The following PDE4D variants were observed in gnomAD, a reference collection of about 807,000 sequenced individuals.
PDE4D encodes the protein phosphodiesterase 4D, also known as 3',5'-cyclic-AMP phosphodiesterase 4D.
A neutral mutation model predicts 87.4 loss-of-function variants in PDE4D; 24 were observed. That is an observed-to-expected ratio of 0.27 (90% CI 0.20 to 0.39). The LOEUF (loss-of-function observed/expected upper bound fraction) is 0.39. PDE4D is among the 10% of genes least tolerant of loss of function. The probability of loss-of-function intolerance (pLI) is 1.00; values close to 1 mark genes in which losing one functional copy is unlikely to be tolerated. For missense variants in PDE4D, 714 were observed against 1,041.0 expected, an observed-to-expected ratio of 0.69 and a Z score of 4.32; for synonymous variants, 384 against 383.2, an observed-to-expected ratio of 1.00 and a Z score of -0.02.
At chr5:59,751,611 G>GTGTA (rs59328183) in intron 1 of PDE4D, among the ~76,000 whole-genome samples, 4 of 144,214 alleles carry the variant, frequency 2.8e-5, no homozygotes, top group African/African-American at 1.1e-4. Context: ...GTGTGTGTGT[G>GTGTA]ATGTGAGAGC....
chr5:59,554,711 C>T lies in PDE4D; in HGVS notation c.455+338457G>A, dbSNP rs1160826330. On this transcript the variant is annotated intron_variant, in intron 1 of 14. Transcript: ENST00000340635. ...ACTGAATGGAAAGTTAACCATGAAA[C>T]GACTGGAGGAATCTCAGTCAGAACT... Among the ~76,000 whole-genome samples the T allele has an allele frequency of 3.9e-5, 6 of 152,196 alleles. No homozygotes were observed. The East Asian group carries it at 9.7e-4, about 25-fold the overall frequency.
intron 2 of PDE4D, among the ~76,000 whole-genome samples, chr5:60,046,780 T>C (rs1004724564): frequency 2.0e-5 from 3 of 152,214 alleles, no homozygotes; most frequent in African/African-American, 7.2e-5. Flanking sequence ...AGTATTTTAT[T>C]GAGGATTTTT....
chr5:59,234,616 G>T (rs1022754569), intron 1 of PDE4D, among the ~76,000 whole-genome samples: 3 of 152,006 alleles, frequency 2.0e-5, no homozygotes, highest in African/African-American at 7.2e-5. Context: ...TCCATCTCCA[G>T]CCTGCTTATA....
At chr5:59,852,478 T>C (rs1243436314) in intron 1 of PDE4D, among the ~76,000 whole-genome samples, 3 of 151,698 alleles carry the variant, frequency 2.0e-5, no homozygotes, top group Admixed American at 6.6e-5. Flanking sequence ...AATTGAAGTC[T>C]CCCCCCAACA....
intron 5 of PDE4D, among the ~76,000 whole-genome samples, chr5:59,128,015 CGTGTGTGT>C (rs55796726): frequency 0.016 from 2,378 of 144,402 alleles, 74 homozygotes; most frequent in African/African-American, 0.057. Flanking sequence ...CTTTCAGAGC[CGTGTGTGT>C]GTGTGTGTGT....
At chr5:60,359,205 G>A (rs114143177) in intron 1 of PDE4D, among the ~76,000 whole-genome samples, 2,348 of 152,188 alleles carry the variant, frequency 0.015, 61 homozygotes, top group African/African-American at 0.053. Flanking sequence ...TCAGGAGTTC[G>A]AGACCAGCCT....
At chr5:59,133,273 G>A (rs1021628690) in intron 5 of PDE4D, among the ~76,000 whole-genome samples, 3 of 152,082 alleles carry the variant, frequency 2.0e-5, no homozygotes, top group Non-Finnish European at 2.9e-5. Flanking sequence ...AATGGATGCC[G>A]ATTCTATGGC....
At chr5:59,968,994 C>T (rs1168730588) in intron 3 of PDE4D, among the ~76,000 whole-genome samples, 1 of 130,836 alleles carries the variant, frequency 7.6e-6, no homozygotes, top group African/African-American at 2.7e-5. Flanking sequence ...AAAAGGCACC[C>T]CCCCCCCGAA....
At chr5:60,006,296 T>C (rs376738703) in intron 2 of PDE4D, among the ~76,000 whole-genome samples, 177 of 146,130 alleles carry the variant, frequency 1.2e-3, no homozygotes, top group African/African-American at 4.6e-3. Context: ...CACAATTACT[T>C]TCGCGCCAAC....
chr5:59,794,157 A>G (rs954687614), intron 1 of PDE4D, among the ~76,000 whole-genome samples: 6 of 150,272 alleles, frequency 4.0e-5, no homozygotes, highest in Admixed American at 2.0e-4. Context: ...ACACACACAC[A>G]CACACACACA....
intron 1 of PDE4D, among the ~76,000 whole-genome samples, chr5:59,828,736 A>AAT (rs1770625550): frequency 6.6e-6 from 1 of 152,080 alleles, no homozygotes; most frequent in African/African-American, 2.4e-5. Context: ...CAACTGAGGG[A>AAT]ATAAAACACA....
intron 2 of PDE4D, among the ~76,000 whole-genome samples, chr5:60,037,551 A>C (rs751902105): frequency 6.6e-6 from 1 of 152,186 alleles, no homozygotes; most frequent in Non-Finnish European, 1.5e-5. Context: ...TTATGTGCCA[A>C]TCACTGTGCT....
intron 2 of PDE4D, among the ~76,000 whole-genome samples, chr5:59,197,481 A>G (rs968311478): frequency 6.6e-6 from 1 of 152,210 alleles, no homozygotes; most frequent in African/African-American, 2.4e-5. Context: ...TAGCCTATCC[A>G]TTTATTTTCA....
chr5:59,562,435 T>C (rs1490194499), intron 1 of PDE4D, among the ~76,000 whole-genome samples: 1 of 152,224 alleles, frequency 6.6e-6, no homozygotes, highest in Non-Finnish European at 1.5e-5. Context: ...CAGAATGCCC[T>C]AGCCAATCTT....
At chr5:59,368,855 T>G (rs1783504080) in intron 1 of PDE4D, among the ~76,000 whole-genome samples, 1 of 152,152 alleles carries the variant, frequency 6.6e-6, no homozygotes, top group Non-Finnish European at 1.5e-5. Context: ...AACCAAACCA[T>G]CATGAAAAAC....
At chr5:59,859,621 TCA>T (rs1194976455) in intron 1 of PDE4D, among the ~76,000 whole-genome samples, 6 of 152,194 alleles carry the variant, frequency 3.9e-5, no homozygotes, top group Admixed American at 2.0e-4. Flanking sequence ...AACTAAATTT[TCA>T]CCAAATTTCC....
intron 1 of PDE4D, among the ~76,000 whole-genome samples, chr5:59,345,523 TCA>T (rs999982936): frequency 1.3e-5 from 2 of 152,164 alleles, no homozygotes; most frequent in Non-Finnish European, 2.9e-5. Flanking sequence ...GTCACTTAAT[TCA>T]CAGTTACATA....
chr5:59,712,976 G>A (rs1285581755), intron 1 of PDE4D, among the ~76,000 whole-genome samples: 1 of 152,134 alleles, frequency 6.6e-6, no homozygotes, highest in Non-Finnish European at 1.5e-5. Flanking sequence ...ACTTATCTAA[G>A]AATTTAAATT....
chr5:59,494,096 G>A (rs1303530525), intron 1 of PDE4D, among the ~76,000 whole-genome samples: 1 of 152,186 alleles, frequency 6.6e-6, no homozygotes, highest in Non-Finnish European at 1.5e-5. Context: ...GACAGTTTAT[G>A]CTGTGATATC....
Sources: gnomAD v4.1 joint callset for allele counts (sites outside exome capture counted in the v4.1 genomes callset) on GRCh38, gnomAD v4.1.1 for gene constraint, MANE v1.5 for transcripts, NCBI Gene and HGNC (gene_info 2026-07-23, HGNC 2026-07-21) for gene names.